The following NAV3 variants were observed in gnomAD, a reference collection of about 807,000 sequenced individuals.
NAV3 encodes the protein neuron navigator 3, also known as pore membrane and/or filament interacting like protein 1.
A neutral mutation model predicts 244.7 loss-of-function variants in NAV3; 87 were observed. The observed-to-expected ratio is 0.36, with a 90% CI of 0.30 to 0.42. The LOEUF is 0.42. Among genes scored for constraint, NAV3 ranks in the 20% least tolerant of loss-of-function variants. The pLI, the probability that NAV3 is intolerant of heterozygous loss-of-function variation, is 1.00. For missense variants in NAV3, 2,663 were observed against 2,893.3 expected (o/e 0.92, Z 1.83); for synonymous variants, 1,126 against 1,042.2 (o/e 1.08, Z -1.55).
intron 12 of NAV3, among the ~76,000 whole-genome samples, chr12:78,081,192 G>A (rs73143926): frequency 0.075 from 11,362 of 152,170 alleles, 580 homozygotes; most frequent in Non-Finnish European, 0.11. Flanking sequence ...GAACTATAGC[G>A]TGATAATACG....
At chr12:77,786,549 G>T (rs2135931071) in intron 2 of NAV3, among the ~76,000 whole-genome samples, 1 of 152,204 alleles carries the variant, frequency 6.6e-6, no homozygotes, top group Admixed American at 6.6e-5. Flanking sequence ...TGGGCAGCAT[G>T]TCAACAGCCA....
intron 12 of NAV3, among the ~76,000 whole-genome samples, chr12:78,085,653 A>T (rs1953595763): frequency 6.6e-6 from 1 of 152,082 alleles, no homozygotes. Flanking sequence ...TAAGAAACAT[A>T]TTGCGTGTGG....
At chr12:77,585,593 A>T (rs1408244754) in intron 2 of NAV3, among the ~76,000 whole-genome samples, 8 of 152,202 alleles carry the variant, frequency 5.3e-5, no homozygotes, top group Admixed American at 5.2e-4. Context: ...TTAGATTCTC[A>T]TAAGGAGCTC....
At chr12:77,632,645 C>A (rs1489703296) in intron 2 of NAV3, among the ~76,000 whole-genome samples, 1 of 152,156 alleles carries the variant, frequency 6.6e-6, no homozygotes, top group Non-Finnish European at 1.5e-5. Context: ...CAAACCATAT[C>A]ACTGTCAAAT....
intron 12 of NAV3, among the ~76,000 whole-genome samples, chr12:78,084,851 A>G (rs1337138784): frequency 6.6e-6 from 1 of 152,146 alleles, no homozygotes; most frequent in Non-Finnish European, 1.5e-5. Flanking sequence ...TTGGCCTATC[A>G]GCACTCTTTG....
At chr12:77,777,409 T>C (rs1870418903) in intron 2 of NAV3, among the ~76,000 whole-genome samples, 1 of 152,160 alleles carries the variant, frequency 6.6e-6, no homozygotes, top group Admixed American at 6.5e-5. Flanking sequence ...GGAGTAGGCA[T>C]TGTGACATGT....
rs1454895212 is a variant in NAV3, at chr12:78,026,910, A to G, written c.2023+5048A>G. Among the ~76,000 whole-genome samples the G allele has an allele frequency of 3.3e-5, 5 of 152,224 alleles. No homozygotes were observed. In the East Asian group the frequency reaches 9.6e-4, roughly 29 times the overall value. ...GAAAACAGTAAACAGAAAAGATAGG[A>G]CTTATATCTTTGGCTTTGGAAGGCA... On this transcript the variant is annotated intron_variant, in intron 9 of 39. Transcript: ENST00000397909.
chr12:77,687,937 A>G (rs1048828943), intron 2 of NAV3, among the ~76,000 whole-genome samples: 1 of 152,222 alleles, frequency 6.6e-6, no homozygotes, highest in East Asian at 1.9e-4. Flanking sequence ...CTTGTTTTCA[A>G]TGTGTACCAT....
intron 2 of NAV3, among the ~76,000 whole-genome samples, chr12:77,739,277 G>C (rs1868285427): frequency 6.6e-6 from 1 of 152,068 alleles, no homozygotes; most frequent in Non-Finnish European, 1.5e-5. Context: ...TCTGTATCCT[G>C]ATAAACTGCA....
intron 2 of NAV3, among the ~76,000 whole-genome samples, chr12:77,648,449 A>G (rs1872693121): frequency 1.3e-5 from 2 of 152,114 alleles, no homozygotes; most frequent in Admixed American, 1.3e-4. Context: ...AGCAGTATTT[A>G]TATCTCTCAA....
intron 2 of NAV3, among the ~76,000 whole-genome samples, chr12:77,599,219 A>G (rs1311441769): frequency 6.6e-6 from 1 of 151,976 alleles, no homozygotes; most frequent in Non-Finnish European, 1.5e-5. Flanking sequence ...TTAATGCTGC[A>G]CAATATTCAA....
chr12:78,040,166 A>C (rs1200492745), intron 9 of NAV3, among the ~76,000 whole-genome samples: 1 of 152,170 alleles, frequency 6.6e-6, no homozygotes, highest in Non-Finnish European at 1.5e-5. Context: ...TTGTAAGTAC[A>C]TTTAGTTTTA....
intron 1 of NAV3, among the ~76,000 whole-genome samples, chr12:77,855,800 CTGCCAGCACAT>C (rs1288865758): frequency 1.3e-5 from 2 of 152,214 alleles, no homozygotes; most frequent in Non-Finnish European, 2.9e-5. Context: ...GAGTCGTTGA[CTGCCAGCACAT>C]TGCAGATACG....
intron 9 of NAV3, among the ~76,000 whole-genome samples, chr12:78,023,550 A>G (rs1663852492): frequency 6.6e-6 from 1 of 152,224 alleles, no homozygotes; most frequent in Non-Finnish European, 1.5e-5. Flanking sequence ...CAGAAAATAA[A>G]TGGTACAGTG....
In NAV3 at chr12:77,997,609, A is replaced by G. The variant is rs149125356; in HGVS notation, c.741-728A>G. Among the ~76,000 whole-genome samples, 363 of 152,358 alleles carry G rather than the reference A, an allele frequency of 2.4e-3. 1 individual carries two copies. The highest frequency in any genetic ancestry group is 8.6e-3 in the African/African-American group (356 of 41,594). On this transcript the variant is annotated intron_variant, in intron 6 of 39. Coordinates refer to ENST00000397909, the MANE Select transcript of NAV3 (RefSeq NM_001024383.2). ...GTAAGCATATTTTAAATTGTCATCC[A>G]GCTAACAGTGATTTTCTTCTGAGAT...
At chr12:78,163,107 T>C (rs1957635004) in intron 23 of NAV3, among the ~76,000 whole-genome samples, 1 of 151,330 alleles carries the variant, frequency 6.6e-6, no homozygotes, top group African/African-American at 2.4e-5. Flanking sequence ...ATGTTCTTGA[T>C]TACATACTTT....
At chr12:77,833,652 CTCTGCCTTAT>C (rs1442110945) in intron 1 of NAV3, among the ~76,000 whole-genome samples, 1 of 152,230 alleles carries the variant, frequency 6.6e-6, no homozygotes, top group South Asian at 2.1e-4. Context: ...CAGTTAGACC[CTCTGCCTTAT>C]TGCAAGGGCA....
At chr12:77,920,387 G>A (rs1160484174) in intron 1 of NAV3, among the ~76,000 whole-genome samples, 1 of 151,650 alleles carries the variant, frequency 6.6e-6, no homozygotes, top group African/African-American at 2.4e-5. Flanking sequence ...TTCAACAGTG[G>A]CTTAAAATTG....
Position 78,168,798 on chromosome 12 carries a change from A to G in NAV3, c.4913A>G (p.Lys1638Arg). The change falls in exon 24 of 40, where the codon AAG (lysine) becomes AGG (arginine). Residue 1638 changes from lysine (K) to arginine (R), a missense_variant. Lys to Arg is a conservative substitution (Grantham distance 26, BLOSUM62 2). Around this residue, in one of 6 missense-constraint regions of NAV3, gnomAD observed 48 missense variants for 90.0 expected, o/e 0.53. Coordinates refer to ENST00000397909, the MANE Select transcript of NAV3 (RefSeq NM_001024383.2). Reference protein sequence around the residue: ...IELRETIEMLKAQNSAAQAAI... With the variant: ...IELRETIEMLRAQNSAAQAAI... ...CTAAGAGAAACCATTGAAATGCTGA[A>G]GGCTCAGAATTCTGCTGCCCAGGCG... 1 of 1,610,778 alleles carries G rather than the reference A, an allele frequency of 6.2e-7. No individual in the cohort carries two copies. Among genetic ancestry groups the G allele is most frequent in the Non-Finnish European group, 8.5e-7 (1 of 1,177,802 alleles).
Sources: allele counts gnomAD v4.1 joint callset (sites outside exome capture counted in the v4.1 genomes callset), GRCh38; gene constraint gnomAD v4.1.1; regional missense constraint gnomAD v4.1.1; transcripts MANE v1.5; gene names NCBI Gene and HGNC (gene_info 2026-07-23, HGNC 2026-07-21).